The following GAP43 variants were observed in gnomAD, a reference collection of about 807,000 sequenced individuals.
GAP43 encodes the protein growth associated protein 43.
GAP43 carries 6 observed loss-of-function variants against 18.6 expected under a neutral mutation model. That is an observed-to-expected ratio of 0.32 (90% CI 0.18 to 0.64). The LOEUF (loss-of-function observed/expected upper bound fraction) is 0.64. Among genes scored for constraint, GAP43 ranks in the 30% least tolerant of loss-of-function variants. The probability of loss-of-function intolerance (pLI) is 0.78; values close to 1 mark genes in which losing one functional copy is unlikely to be tolerated. For synonymous variants in GAP43, 115 were observed against 111.4 expected (o/e 1.03, Z -0.20); for missense variants, 292 against 295.5 (o/e 0.99, Z 0.09).
intron 2 of GAP43, among the ~76,000 whole-genome samples, chr3:115,704,630 TA>T (rs1490125119): frequency 6.6e-6 from 1 of 151,816 alleles, no homozygotes; most frequent in African/African-American, 2.4e-5. Flanking sequence ...CAAACAAAAA[TA>T]GCAATGGAGG....
intron 1 of GAP43, among the ~76,000 whole-genome samples, chr3:115,646,575 G>A (rs1011896660): frequency 1.3e-5 from 2 of 152,086 alleles, no homozygotes; most frequent in African/African-American, 2.4e-5. Flanking sequence ...GAAAAAGAGA[G>A]AGAACTTCAA....
At chr3:115,686,734 A>G (rs551746300) in intron 2 of GAP43, among the ~76,000 whole-genome samples, 2 of 152,316 alleles carry the variant, frequency 1.3e-5, no homozygotes, top group South Asian at 2.1e-4. Flanking sequence ...GAAAAGAAGG[A>G]AAATTTAAAA....
intron 2 of GAP43, among the ~76,000 whole-genome samples, chr3:115,706,400 G>T (rs1296783190): frequency 6.6e-6 from 1 of 152,118 alleles, no homozygotes; most frequent in East Asian, 1.9e-4. Flanking sequence ...ACCCAGCTGG[G>T]GGGTAGGCTG....
intron 1 of GAP43, among the ~76,000 whole-genome samples, chr3:115,662,740 C>T (rs912222497): frequency 6.6e-6 from 1 of 152,188 alleles, no homozygotes; most frequent in African/African-American, 2.4e-5. Context: ...GTGCTCTGTA[C>T]ATCCCTTTGG....
chr3:115,720,462 G>A (rs190783904), intron 2 of GAP43, among the ~76,000 whole-genome samples: 66 of 152,232 alleles, frequency 4.3e-4, no homozygotes, highest in African/African-American at 1.4e-3. Flanking sequence ...CAAGATTGTC[G>A]TTGATTCCCT....
chr3:115,639,282 A>C (rs1037811610), intron 1 of GAP43, among the ~76,000 whole-genome samples: 1 of 152,154 alleles, frequency 6.6e-6, no homozygotes, highest in Admixed American at 6.5e-5. Context: ...AATAATGGTC[A>C]CCATTTTATA....
chr3:115,660,983 C>T (rs1708650792), intron 1 of GAP43, among the ~76,000 whole-genome samples: 1 of 152,180 alleles, frequency 6.6e-6, no homozygotes, highest in African/African-American at 2.4e-5. Context: ...TCATCCAGAT[C>T]TAAGATTGTT....
At chr3:115,698,287 A>AATATATATATTATATATAAATATAAT (rs1709248505) in intron 2 of GAP43, among the ~76,000 whole-genome samples, 5 of 37,862 alleles carry the variant, frequency 1.3e-4, no homozygotes, top group African/African-American at 3.1e-4. Context: ...ATATAAATAT[A>AATATATATATTATATATAAATATAAT]ATATATATAT....
intron 2 of GAP43, among the ~76,000 whole-genome samples, chr3:115,683,241 G>A (rs1385518481): frequency 6.7e-6 from 1 of 150,216 alleles, no homozygotes; most frequent in African/African-American, 2.5e-5. Context: ...TGGGACATAT[G>A]GCTTCTTAGC....
chr3:115,652,226 A>C (rs1020724270), intron 1 of GAP43, among the ~76,000 whole-genome samples: 1 of 152,028 alleles, frequency 6.6e-6, no homozygotes, highest in African/African-American at 2.4e-5. Context: ...TGAAGATATT[A>C]TCTTTTGTAT....
At chr3:115,627,113 ATTTTCTTTCTT>A (rs1198038106) in intron 1 of GAP43, among the ~76,000 whole-genome samples, 2 of 133,552 alleles carry the variant, frequency 1.5e-5, no homozygotes, top group African/African-American at 5.6e-5. Flanking sequence ...TTTGAAGGGC[ATTTTCTTTCTT>A]TTTTCTTTCT....
At chr3:115,709,912 T>C (rs561182128) in intron 2 of GAP43, among the ~76,000 whole-genome samples, 46 of 152,162 alleles carry the variant, frequency 3.0e-4, no homozygotes, top group Admixed American at 1.6e-3. Context: ...AACATATGTT[T>C]TCAAGCTTTT....
chr3:115,628,667 T>C (rs1708222168), intron 1 of GAP43, among the ~76,000 whole-genome samples: 1 of 152,152 alleles, frequency 6.6e-6, no homozygotes, highest in African/African-American at 2.4e-5. Context: ...TAGCTCTCCT[T>C]ATTCTCCCTC....
Position 115,623,552 on chromosome 3 carries a change from G to A in GAP43, c.-138G>A. On this transcript the variant is annotated 5_prime_UTR_variant, in exon 1 of 3. Coordinates refer to ENST00000305124, the MANE Select transcript of GAP43 (RefSeq NM_002045.4). ...CCCTGGTGTGTGTGAGGGAGAGAGA[G>A]GGAGGGAGGGAGAGAGAGCGCGCTA... 1 of 1,028,084 alleles carries A rather than the reference G, an allele frequency of 9.7e-7. No homozygotes were observed. Among genetic ancestry groups the A allele is most frequent in the Non-Finnish European group, 1.5e-6 (1 of 676,862 alleles). 63.7% of individuals were successfully genotyped at this position (1,028,084 alleles called of 1,614,324 possible).
intron 2 of GAP43, among the ~76,000 whole-genome samples, chr3:115,715,619 A>G (rs984555138): frequency 1.3e-5 from 2 of 152,370 alleles, no homozygotes; most frequent in Non-Finnish European, 2.9e-5. Flanking sequence ...AAGATTTTGC[A>G]CAAAATACTA....
At chr3:115,686,814 G>C (rs916625097) in intron 2 of GAP43, among the ~76,000 whole-genome samples, 5 of 152,178 alleles carry the variant, frequency 3.3e-5, no homozygotes, top group Non-Finnish European at 7.4e-5. Context: ...GGTTCAGATT[G>C]ATTTGCAACC....
At chr3:115,704,255 T>G (rs1709332594) in intron 2 of GAP43, among the ~76,000 whole-genome samples, 1 of 152,096 alleles carries the variant, frequency 6.6e-6, no homozygotes, top group South Asian at 2.1e-4. Flanking sequence ...GGAGGAATTA[T>G]CTACACTTTT....
chr3:115,693,075 A>G (rs1709134690), intron 2 of GAP43, among the ~76,000 whole-genome samples: 1 of 152,140 alleles, frequency 6.6e-6, no homozygotes, highest in South Asian at 2.1e-4. Flanking sequence ...TGGGAACAGA[A>G]TTACACTGGT....
chr3:115,635,955 G>A (rs549821220), intron 1 of GAP43, among the ~76,000 whole-genome samples: 6 of 152,034 alleles, frequency 3.9e-5, no homozygotes, highest in East Asian at 1.9e-4. Flanking sequence ...TATCATTCCC[G>A]TGTCATTGGA....
Sources: allele counts gnomAD v4.1 joint callset (sites outside exome capture counted in the v4.1 genomes callset), GRCh38; gene constraint gnomAD v4.1.1; transcripts MANE v1.5; gene names NCBI Gene and HGNC (gene_info 2026-07-23, HGNC 2026-07-21).